The following ATP2B2 variants were observed in gnomAD, a reference collection of about 807,000 sequenced individuals.
The protein encoded by ATP2B2 is plasma membrane calcium-transporting ATPase 2.
ATP2B2 carries 15 observed loss-of-function variants against 120.0 expected under a neutral mutation model. The ratio of observed to expected loss-of-function variants is 0.12; its 90% CI spans 0.08 to 0.19. The LOEUF (loss-of-function observed/expected upper bound fraction) is 0.19. Among genes scored for constraint, ATP2B2 ranks in the 10% least tolerant of loss-of-function variants. ATP2B2 has a pLI of 1.00. For synonymous variants in ATP2B2, 694 were observed against 700.3 expected (o/e 0.99, Z 0.14); for missense variants, 1,045 against 1,719.8 (o/e 0.61, Z 6.94).
chr3:10,504,564 CCCCCCAA>C (rs1553622188), intron 1 of ATP2B2, among the ~76,000 whole-genome samples: 16 of 150,826 alleles, frequency 1.1e-4, no homozygotes, highest in African/African-American at 3.9e-4. Flanking sequence ...TCCAGAGCAC[CCCCCCAA>C]CCCCCAACCC....
rs1300337639 is a variant in ATP2B2 at position 10,342,060 on chromosome 3, C to T, written c.2917+692G>A. ...TTCCCCTCTCTGGGCCTCTGTTTCC[C>T]CATCTGTGACCTGGGGATAGGCTTT... On this transcript the variant is annotated intron_variant, in intron 19 of 22. Coordinates refer to ENST00000360273, the MANE Select transcript of ATP2B2 (RefSeq NM_001001331.4). This position sits in a 1 kb window ranked among gnomAD's most constrained non-coding sequence, Gnocchi z 4.4. Among the ~76,000 whole-genome samples the T allele has an allele frequency of 6.6e-6, 1 of 152,222 alleles. No homozygotes were observed. Among genetic ancestry groups the T allele is most frequent in the Non-Finnish European group, 1.5e-5 (1 of 68,034 alleles).
chr3:10,583,909 G>A (rs1290108009), intron 2 of ATP2B2, among the ~76,000 whole-genome samples: 1 of 152,186 alleles, frequency 6.6e-6, no homozygotes, highest in African/African-American at 2.4e-5. Flanking sequence ...GCAAATACTG[G>A]AAAGCAAACA....
chr3:10,658,294 T>C (rs112388393), intron 1 of ATP2B2, among the ~76,000 whole-genome samples: 2 of 152,138 alleles, frequency 1.3e-5, no homozygotes, highest in African/African-American at 4.8e-5. Context: ...ATCAAACTTC[T>C]CTGAGCTAAA....
chr3:10,503,716 C>T (rs12638687), intron 1 of ATP2B2, among the ~76,000 whole-genome samples: 8,403 of 152,332 alleles, frequency 0.055, 399 homozygotes, highest in East Asian at 0.24. Flanking sequence ...TGCCAATGCA[C>T]GGGCAGGCAC....
intron 1 of ATP2B2, among the ~76,000 whole-genome samples, chr3:10,645,951 G>A (rs573644257): frequency 6.6e-6 from 1 of 152,266 alleles, no homozygotes; most frequent in South Asian, 2.1e-4. Flanking sequence ...CTCGAACCTG[G>A]GAGGACCCAC....
intron 2 of ATP2B2, among the ~76,000 whole-genome samples, chr3:10,448,749 C>T (rs1158520192): frequency 1.3e-5 from 2 of 152,226 alleles, no homozygotes; most frequent in Non-Finnish European, 2.9e-5. Context: ...CCCCAGCGAT[C>T]CCCAACCAGA....
intron 1 of ATP2B2, among the ~76,000 whole-genome samples, chr3:10,497,551 A>T (rs960501858): frequency 7.2e-5 from 11 of 152,204 alleles, no homozygotes; most frequent in African/African-American, 2.7e-4. Flanking sequence ...AAGCACTTTA[A>T]TTTTACTTAA....
chr3:10,338,502 C>T (rs1160782888), intron 21 of ATP2B2, 144 bp from the exon 22 acceptor site: 1 of 738,456 alleles, frequency 1.4e-6, no homozygotes, highest in Non-Finnish European at 2.4e-6. Context: ...CTCACCTGTT[C>T]CTCAGCCCAG....
intron 3 of ATP2B2, among the ~76,000 whole-genome samples, chr3:10,510,831 C>T (rs906962977): frequency 1.3e-5 from 2 of 152,226 alleles, no homozygotes; most frequent in African/African-American, 4.8e-5. Context: ...GCTAATACCT[C>T]CTTGGTAATG....
At chr3:10,567,520 G>A (rs995167925) in intron 2 of ATP2B2, among the ~76,000 whole-genome samples, 11 of 152,204 alleles carry the variant, frequency 7.2e-5, no homozygotes, top group African/African-American at 2.7e-4. Context: ...TATCAGCTGG[G>A]TGGTCTTGGG....
chr3:10,575,023 C>T (rs552659787), intron 2 of ATP2B2, among the ~76,000 whole-genome samples: 1 of 152,306 alleles, frequency 6.6e-6, no homozygotes, highest in Admixed American at 6.5e-5. Flanking sequence ...CCCCACATGT[C>T]AACAAGGGCC....
chr3:10,481,001 G>T (rs34882), intron 1 of ATP2B2, among the ~76,000 whole-genome samples: 1 of 151,526 alleles, frequency 6.6e-6, no homozygotes, highest in Non-Finnish European at 1.5e-5. Flanking sequence ...AGTTCATCCC[G>T]CCTGCCACCT....
chr3:10,337,990 G>A (rs981926924), intron 22 of ATP2B2, among the ~76,000 whole-genome samples, 186 bp downstream of exon 22: 3 of 152,170 alleles, frequency 2.0e-5, no homozygotes, highest in Non-Finnish European at 2.9e-5. Context: ...TGAGGAGGCC[G>A]TGCTGTTCCT....
intron 1 of ATP2B2, among the ~76,000 whole-genome samples, chr3:10,661,284 A>G (rs181853594): frequency 1.8e-4 from 27 of 152,212 alleles, no homozygotes; most frequent in Admixed American, 1.6e-3. Flanking sequence ...AGGGTATTCA[A>G]TTAGGAAAAG....
intron 1 of ATP2B2, among the ~76,000 whole-genome samples, chr3:10,695,251 G>GGAGAGAGAGAGAGAGAGA (rs140200422): frequency 4.7e-5 from 6 of 126,910 alleles, no homozygotes; most frequent in African/African-American, 1.7e-4. Flanking sequence ...AGGGAGGGAG[G>GGAGAGAGAGAGAGAGAGA]GAGAGAGAGA....
At chr3:10,396,843 A>G (rs1363918626) in intron 5 of ATP2B2, among the ~76,000 whole-genome samples, 1 of 151,620 alleles carries the variant, frequency 6.6e-6, no homozygotes, top group Non-Finnish European at 1.5e-5. Flanking sequence ...CTGGGGCTAT[A>G]ATCAGAAAGG....
intron 2 of ATP2B2, among the ~76,000 whole-genome samples, chr3:10,448,559 A>T (rs1036703534): frequency 9.9e-5 from 15 of 152,248 alleles, no homozygotes; most frequent in African/African-American, 3.6e-4. Flanking sequence ...CTTCCAGAAA[A>T]GCCCCCAGGA....
chr3:10,342,701 C>G lies in ATP2B2; in HGVS notation c.2917+51G>C. On this transcript the variant is annotated intron_variant, in intron 19 of 22. Coordinates refer to ENST00000360273, the MANE Select transcript of ATP2B2 (RefSeq NM_001001331.4). The surrounding 1 kb of genome is among the most constrained non-coding windows in gnomAD (Gnocchi z 4.4). ...TGCTGGGTGAGAGCCATGGTGCACC[C>G]AGAAGGTGATGACCCCGCCTGGGAG... 6.3e-7 allele frequency: 1 copy of G among 1,595,846 alleles called. No homozygotes were observed. The highest frequency in any genetic ancestry group is 8.6e-7 in the Non-Finnish European group (1 of 1,164,562).
chr3:10,450,924 C>G (rs1348508086), intron 1 of ATP2B2, among the ~76,000 whole-genome samples: 2 of 152,154 alleles, frequency 1.3e-5, no homozygotes, highest in African/African-American at 4.8e-5. Context: ...CAGGGAGTGG[C>G]CCTGCCCCGC....
Sources: allele counts gnomAD v4.1 joint callset (sites outside exome capture counted in the v4.1 genomes callset), GRCh38; gene constraint gnomAD v4.1.1; non-coding constraint Gnocchi (gnomAD v3.1); transcripts MANE v1.5; gene names NCBI Gene and HGNC (gene_info 2026-07-23, HGNC 2026-07-21).